The following ECRG4 variants were observed in gnomAD, a reference collection of about 807,000 sequenced individuals.
ECRG4 encodes ECRG4 augurin precursor, also known as augurin.
In ECRG4, 18 loss-of-function variants were observed where a neutral mutation model predicts 15.8. The ratio of observed to expected loss-of-function variants is 1.14; its 90% CI spans 0.79 to 1.69. The LOEUF (loss-of-function observed/expected upper bound fraction) is 1.69. Ranked by LOEUF, ECRG4 falls within the 40% of genes most tolerant of loss-of-function variation. The pLI, the probability that ECRG4 is intolerant of heterozygous loss-of-function variation, is 0.00. For missense variants in ECRG4, 200 were observed against 190.9 expected (o/e 1.05, Z -0.28); for synonymous variants, 82 against 73.9 (o/e 1.11, Z -0.56).
chr2:106,077,057 T>C (rs1191602427), intron 3 of ECRG4, among the ~76,000 whole-genome samples: 1 of 152,230 alleles, frequency 6.6e-6, no homozygotes, highest in East Asian at 1.9e-4. Context: ...TTAGCTTCTC[T>C]ATCCCTTTTA....
intron 1 of ECRG4, among the ~76,000 whole-genome samples, chr2:106,069,166 TTCTTTTTTC>T (rs1676295688): frequency 4.4e-5 from 6 of 135,990 alleles, no homozygotes; most frequent in Non-Finnish European, 8.2e-5. Flanking sequence ...CTTTCTTTCT[TTCTTTTTTC>T]TTTCTTTCTT....
rs1171603168 is a variant in ECRG4, at chr2:106,067,059, CGGGGG to C, written c.79+1228_79+1232del. ...CTGTAATCCCAGCACTTTGGGAGGC[CGGGGG>C]GGGGGGGGGGGCAGATCACCTGAGG... is the stretch of plus-strand genomic sequence containing the variant. On this transcript the variant is annotated intron_variant, in intron 1 of 3. Coordinates refer to ENST00000238044, the MANE Select transcript of ECRG4 (RefSeq NM_032411.3). 4.0e-3 allele frequency among the ~76,000 whole-genome samples: 17 copies of C among 4,268 alleles called. 3 individuals are homozygous for C. Among genetic ancestry groups the C allele is most frequent in the African/African-American group, 8.5e-3 (9 of 1,056 alleles). 2.8% of individuals were successfully genotyped at this position (4,268 alleles called of 152,430 possible). A position where few individuals can be genotyped will look rare whatever the true frequency, so the allele number is the denominator to read the frequency against.
rs2104795257 is a variant in ECRG4, at chr2:106,071,842, AG to A, written c.80del. On this transcript the variant is annotated splice_acceptor_variant, in intron 1 of 3. Transcript: ENST00000238044. LOFTEE classifies it high-confidence loss of function. The stretch of plus-strand genomic sequence containing the variant: ...TATGGATTTCAATTTTCATTCCTTT[AG>A]GTGGCATAAGTGGAAATAAACTCAA... The A allele has an allele frequency of 9.9e-6, 16 of 1,613,202 alleles. No homozygotes were observed. Among genetic ancestry groups the A allele is most frequent in the Non-Finnish European group, 1.4e-5 (16 of 1,179,204 alleles).
intron 1 of ECRG4, 76 bp from the exon 2 acceptor site, chr2:106,071,768 C>A: frequency 7.9e-7 from 1 of 1,258,634 alleles, no homozygotes; most frequent in Non-Finnish European, 1.1e-6. Context: ...TCTTTTCTCC[C>A]ACTCTGATTT....
At position 106,065,753 on chromosome 2, in the gene ECRG4, C is replaced by T; in HGVS notation, c.-12C>T. On this transcript the variant is annotated 5_prime_UTR_variant, in exon 1 of 4. Transcript: ENST00000238044. ...AGTGCGCCCCTCGCCCTCCTGCTCG[C>T]GCCCCGCCGCCATGGCTGCCTCCCC... 6.8e-7 allele frequency: 1 copy of T among 1,478,260 alleles called. No individual in the cohort carries two copies. The highest frequency in any genetic ancestry group is 8.9e-7 in the Non-Finnish European group (1 of 1,121,472). 91.6% of individuals were successfully genotyped at this position (1,478,260 alleles called of 1,614,324 possible). A position where few individuals can be genotyped will look rare whatever the true frequency, so the allele number is the denominator to read the frequency against.
In ECRG4 at chr2:106,066,845, T is replaced by C. The variant is rs1046017523; in HGVS notation, c.79+1002T>C. Among the ~76,000 whole-genome samples, 5 of 152,210 alleles carry C rather than the reference T, an allele frequency of 3.3e-5. No homozygotes were observed. In the South Asian group the frequency reaches 1.0e-3, roughly 32 times the overall value. On this transcript the variant is annotated intron_variant, in intron 1 of 3. Coordinates refer to ENST00000238044, the MANE Select transcript of ECRG4 (RefSeq NM_032411.3). ...GGGACATTCAGTAGGAGCCCTGGGATGGAGCCCCGGGGTTGCTAAAACAGC... is the reference window on the plus strand; with the variant it reads ...GGGACATTCAGTAGGAGCCCTGGGACGGAGCCCCGGGGTTGCTAAAACAGC...
At chr2:106,073,768 G>T in intron 2 of ECRG4, 118 bp from the exon 3 acceptor site, 1 of 1,179,280 alleles carries the variant, frequency 8.5e-7, no homozygotes. Context: ...GAATGAAGTT[G>T]AGAGTCAAAA....
intron 2 of ECRG4, 85 bp from the exon 3 acceptor site, chr2:106,073,801 G>T (rs1676421376): frequency 6.6e-7 from 1 of 1,505,388 alleles, no homozygotes; most frequent in Admixed American, 1.7e-5. Context: ...TGGTGGTGGG[G>T]GATGGGATGT....
intron 1 of ECRG4, among the ~76,000 whole-genome samples, chr2:106,067,970 G>A (rs2104790638): frequency 6.6e-6 from 1 of 150,940 alleles, no homozygotes; most frequent in South Asian, 2.1e-4. Flanking sequence ...GAGTAGCTGG[G>A]ACTACAGGTG....
upstream of ECRG4, chr2:106,064,184 C>T (rs1011007538): frequency 2.0e-5 from 3 of 152,090 alleles, no homozygotes; most frequent in African/African-American, 7.2e-5. Context: ...GTAACATTAT[C>T]CTTCTGATTC....
Position 106,073,989 on chromosome 2 carries a change from G to GA in ECRG4, c.231_232insA (p.Pro78ThrfsTer16), listed in dbSNP as rs1676428712. On this transcript the variant is annotated frameshift_variant, in exon 3 of 4. Coordinates refer to ENST00000238044, the MANE Select transcript of ECRG4 (RefSeq NM_032411.3). LOFTEE classifies it high-confidence loss of function. ...AGCGGCAGCTGTGGGACCGGACTCGGCCCGAGGTGCAGCAGTGGTACCAGC... is the reference window on the plus strand; with the variant it reads ...AGCGGCAGCTGTGGGACCGGACTCGGACCCGAGGTGCAGCAGTGGTACCAGC... 2 of 1,613,890 alleles carry GA rather than the reference G, an allele frequency of 1.2e-6. No individual in the cohort carries two copies. The highest frequency in any genetic ancestry group is 2.7e-5 in the African/African-American group (2 of 74,928).
At chr2:106,076,597 A>C (rs1676491910) in intron 3 of ECRG4, among the ~76,000 whole-genome samples, 1 of 152,158 alleles carries the variant, frequency 6.6e-6, no homozygotes, top group Non-Finnish European at 1.5e-5. Context: ...CAGAGACCAC[A>C]GACACGGGCT....
intron 1 of ECRG4, among the ~76,000 whole-genome samples, chr2:106,068,861 C>T (rs551381426): frequency 6.6e-6 from 1 of 152,132 alleles, no homozygotes; most frequent in Non-Finnish European, 1.5e-5. Context: ...AACAGTAGTC[C>T]CACCCCCATC....
At chr2:106,074,221 C>T (rs937131001) in intron 3 of ECRG4, 178 bp downstream of exon 3, 10 of 704,468 alleles carry the variant, frequency 1.4e-5, no homozygotes, top group African/African-American at 1.8e-5. Context: ...GGTGTAAGGG[C>T]GATGGCTGGA....
At chr2:106,074,328 A>G (rs1007658123) in intron 3 of ECRG4, 2 of 338,152 alleles carry the variant, frequency 5.9e-6, no homozygotes, top group South Asian at 6.3e-5. Context: ...CTTTCTCGGG[A>G]ACCCTTTTAA....
chr2:106,076,238 A>G (rs373874445), intron 3 of ECRG4, among the ~76,000 whole-genome samples: 10 of 152,038 alleles, frequency 6.6e-5, no homozygotes, highest in African/African-American at 2.4e-4. Flanking sequence ...GAACCGCTTG[A>G]ACCTGGTGGG....
At chr2:106,070,950 T>G (rs1430229120) in intron 1 of ECRG4, 4 of 471,244 alleles carry the variant, frequency 8.5e-6, no homozygotes, top group Admixed American at 4.7e-5. Flanking sequence ...GAGGCTCCTA[T>G]AGGTCTGCAA....
rs147064787 is a variant in ECRG4 at position 106,065,917 on chromosome 2, G to T, written c.79+74G>T. 2.1e-5 allele frequency: 27 copies of T among 1,299,324 alleles called. No individual in the cohort carries two copies. The African/African-American group carries it at 3.4e-4, about 17-fold the overall frequency. 80.5% of individuals were successfully genotyped at this position (1,299,324 alleles called of 1,614,324 possible). A position where few individuals can be genotyped will look rare whatever the true frequency, so the allele number is the denominator to read the frequency against. On this transcript the variant is annotated intron_variant, in intron 1 of 3. Coordinates refer to ENST00000238044, the MANE Select transcript of ECRG4 (RefSeq NM_032411.3). Reference sequence around the variant, plus strand: ...CCCATGTGGCGCTTCCATGGTGCCCGGGGAGAGCGATCGGTGATGGGGTGG... The same window carrying T: ...CCCATGTGGCGCTTCCATGGTGCCCTGGGAGAGCGATCGGTGATGGGGTGG...
At chr2:106,077,627 T>C in intron 3 of ECRG4, 138 bp from the exon 4 acceptor site, 2 of 733,634 alleles carry the variant, frequency 2.7e-6, no homozygotes, top group Non-Finnish European at 4.4e-6. Context: ...AGCACAAGAA[T>C]ACGGTAACAG....
Sources: gnomAD v4.1 joint callset for allele counts (sites outside exome capture counted in the v4.1 genomes callset) on GRCh38, gnomAD v4.1.1 for gene constraint, MANE v1.5 for transcripts, NCBI Gene and HGNC (gene_info 2026-07-23, HGNC 2026-07-21) for gene names.